The following GRIN2A variants were observed in gnomAD, a reference collection of about 807,000 sequenced individuals.
GRIN2A encodes glutamate receptor ionotropic, NMDA 2A.
A neutral mutation model predicts 113.4 loss-of-function variants in GRIN2A; 22 were observed. That is an observed-to-expected ratio of 0.19 (90% CI 0.14 to 0.28). GRIN2A has a LOEUF of 0.28. GRIN2A is among the 10% of genes least tolerant of loss of function. GRIN2A has a pLI of 1.00. For synonymous variants in GRIN2A, 827 were observed against 738.4 expected (o/e 1.12, Z -1.94); for missense variants, 1,502 against 1,887.0 (o/e 0.80, Z 3.78).
chr16:10,134,971 A>C (rs952566793), intron 2 of GRIN2A, among the ~76,000 whole-genome samples: 1 of 152,192 alleles, frequency 6.6e-6, no homozygotes, highest in African/African-American at 2.4e-5. Context: ...ACCCTTTCCT[A>C]ACATGCTTTC....
intron 2 of GRIN2A, among the ~76,000 whole-genome samples, chr16:10,148,063 C>T (rs1468945618): frequency 6.6e-6 from 1 of 152,192 alleles, no homozygotes; most frequent in Non-Finnish European, 1.5e-5. Flanking sequence ...TGCTACCCTA[C>T]TGGTTGCTCC....
intron 2 of GRIN2A, among the ~76,000 whole-genome samples, chr16:10,162,509 T>C (rs976829607): frequency 6.6e-6 from 1 of 152,228 alleles, no homozygotes; most frequent in Non-Finnish European, 1.5e-5. Context: ...AGCTGCAGGA[T>C]TGCTCCTCTG....
chr16:9,956,678 C>T (rs996825245), intron 2 of GRIN2A, among the ~76,000 whole-genome samples: 2 of 152,196 alleles, frequency 1.3e-5, no homozygotes, highest in African/African-American at 4.8e-5. Context: ...CAACTACACA[C>T]GTGTAAAATT....
intron 8 of GRIN2A, among the ~76,000 whole-genome samples, chr16:9,829,917 G>A (rs557318539): frequency 6.6e-6 from 1 of 152,202 alleles, no homozygotes; most frequent in African/African-American, 2.4e-5. Flanking sequence ...GCAAAATGGG[G>A]GTTTGAATAA....
intron 4 of GRIN2A, among the ~76,000 whole-genome samples, chr16:9,885,525 C>G (rs1468143188): frequency 6.6e-6 from 1 of 152,208 alleles, no homozygotes; most frequent in Non-Finnish European, 1.5e-5. Flanking sequence ...CAGCCACCTA[C>G]AAAGGCCTGG....
intron 2 of GRIN2A, among the ~76,000 whole-genome samples, chr16:9,946,595 C>A (rs2045023104): frequency 6.6e-6 from 1 of 152,122 alleles, no homozygotes; most frequent in Non-Finnish European, 1.5e-5. Flanking sequence ...TAGTGAATTC[C>A]CCCTGAGAGC....
At chr16:9,831,302 T>C (rs143449722) in intron 8 of GRIN2A, among the ~76,000 whole-genome samples, 20 of 152,262 alleles carry the variant, frequency 1.3e-4, no homozygotes, top group African/African-American at 4.6e-4. Flanking sequence ...AACTCAGATT[T>C]ACCTGATTAT....
chr16:10,013,468 T>C (rs1259184101), intron 2 of GRIN2A, among the ~76,000 whole-genome samples: 2 of 152,244 alleles, frequency 1.3e-5, no homozygotes, highest in African/African-American at 2.4e-5. Flanking sequence ...CTTATAGCTT[T>C]TGCCCACAGG....
intron 2 of GRIN2A, among the ~76,000 whole-genome samples, chr16:9,955,530 A>G (rs1208366697): frequency 6.6e-6 from 1 of 152,196 alleles, no homozygotes; most frequent in African/African-American, 2.4e-5. Context: ...AAAAACAGCA[A>G]TTACTTTTGC....
At position 10,123,466 on chromosome 16, in the gene GRIN2A, C is replaced by G. The variant is rs2048870842; in HGVS notation, c.414+56532G>C. ...AGCTCCTCGTTGATGCCATAGTTTGCAAGATACTGAAGTCGCACGTTGTTT... is the reference window on the plus strand; with the variant it reads ...AGCTCCTCGTTGATGCCATAGTTTGGAAGATACTGAAGTCGCACGTTGTTT... On this transcript the variant is annotated intron_variant, in intron 2 of 12. Coordinates refer to ENST00000330684, the MANE Select transcript of GRIN2A (RefSeq NM_001134407.3). Among the ~76,000 whole-genome samples, 3 of 152,288 alleles carry G rather than the reference C, an allele frequency of 2.0e-5. No individual in the cohort carries two copies. The South Asian group carries it at 6.2e-4, about 32-fold the overall frequency.
At chr16:10,002,075 A>T (rs1288390405) in intron 2 of GRIN2A, among the ~76,000 whole-genome samples, 1 of 152,220 alleles carries the variant, frequency 6.6e-6, no homozygotes, top group African/African-American at 2.4e-5. Context: ...AAAGCTATAG[A>T]AACTAACACA....
At chr16:9,852,269 A>G (rs1442743326) in intron 4 of GRIN2A, among the ~76,000 whole-genome samples, 1 of 152,236 alleles carries the variant, frequency 6.6e-6, no homozygotes, top group Non-Finnish European at 1.5e-5. Context: ...CTCGCTATGT[A>G]CAGTGTTTCT....
intron 9 of GRIN2A, among the ~76,000 whole-genome samples, chr16:9,824,017 C>A (rs1361582086): frequency 6.6e-6 from 1 of 152,174 alleles, no homozygotes; most frequent in Non-Finnish European, 1.5e-5. Flanking sequence ...CCAAATTTAC[C>A]CAAGAGTCAA....
intron 9 of GRIN2A, among the ~76,000 whole-genome samples, chr16:9,827,256 T>G (rs1270241999): frequency 6.6e-6 from 1 of 152,182 alleles, no homozygotes. Context: ...GAAACACAAC[T>G]TTTCTGACTC....
chr16:10,008,599 C>T (rs1011109462), intron 2 of GRIN2A, among the ~76,000 whole-genome samples: 4 of 152,198 alleles, frequency 2.6e-5, no homozygotes, highest in Non-Finnish European at 5.9e-5. Context: ...ATCTCAGAAG[C>T]AGCAGTTCCA....
chr16:9,892,858 C>G (rs545989960), intron 3 of GRIN2A, among the ~76,000 whole-genome samples: 1 of 147,910 alleles, frequency 6.8e-6, no homozygotes, highest in African/African-American at 2.5e-5. Flanking sequence ...TGGATTGAAG[C>G]ATTCAAAGAC....
intron 2 of GRIN2A, among the ~76,000 whole-genome samples, chr16:9,944,532 C>T (rs917296875): frequency 6.6e-6 from 1 of 152,164 alleles, no homozygotes; most frequent in Non-Finnish European, 1.5e-5. Flanking sequence ...TTGGGCATAT[C>T]CAATATGTAG....
intron 2 of GRIN2A, among the ~76,000 whole-genome samples, chr16:9,949,740 G>T (rs568000286): frequency 1.3e-5 from 2 of 151,944 alleles, no homozygotes; most frequent in Admixed American, 6.6e-5. Context: ...TGGATGGATG[G>T]GTGGGTGGGT....
At chr16:9,799,964 A>ATATTAT (rs71400498) in intron 10 of GRIN2A, among the ~76,000 whole-genome samples, 2,525 of 149,674 alleles carry the variant, frequency 0.017, 39 homozygotes, top group African/African-American at 0.032. Context: ...CTGTGCCTAA[A>ATATTAT]TATTATTATT....
Sources: allele counts gnomAD v4.1 joint callset (sites outside exome capture counted in the v4.1 genomes callset), GRCh38; gene constraint gnomAD v4.1.1; transcripts MANE v1.5; gene names NCBI Gene and HGNC (gene_info 2026-07-23, HGNC 2026-07-21).